IREB2: variants seen among roughly 807,000 people sequenced by gnomAD.
IREB2 encodes iron responsive element binding protein 2.
Under a neutral mutation model 118.8 loss-of-function variants are expected in IREB2, and 39 were observed. The observed-to-expected ratio is 0.33, with a 90% confidence interval of 0.25 to 0.43. IREB2 has a LOEUF of 0.43. IREB2 is among the 20% of genes least tolerant of loss of function. The probability of loss-of-function intolerance (pLI) is 1.00; values close to 1 mark genes in which losing one functional copy is unlikely to be tolerated. For missense variants in IREB2, 900 were observed against 1,147.3 expected (o/e 0.78, Z 3.11); for synonymous variants, 372 against 392.2 (o/e 0.95, Z 0.61).
chr15:78,458,262 G>T (rs977106599), intron 2 of IREB2, among the ~76,000 whole-genome samples: 1 of 152,148 alleles, frequency 6.6e-6, no homozygotes, highest in African/African-American at 2.4e-5. Flanking sequence ...ACAACACTAA[G>T]AGTGAACCCT....
chr15:78,494,353 A>AT, intron 20 of IREB2, 89 bp downstream of exon 20: 1 of 1,335,058 alleles, frequency 7.5e-7, no homozygotes, highest in East Asian at 2.3e-5. Context: ...GTTTATCTGG[A>AT]TTTTTTATAG....
Position 78,498,398 on chromosome 15 carries a change from G to T in IREB2, c.*255G>T. 4.1e-6 allele frequency: 1 copy of T among 242,402 alleles called. No homozygotes were observed. Among genetic ancestry groups the T allele is most frequent in the Admixed American group, 5.5e-5 (1 of 18,224 alleles). The allele number at this position is 242,402 out of a possible 1,614,324, so 15.0% of individuals were successfully genotyped here. Reference sequence around the variant, plus strand: ...GTGGAAGAGACCTGTAAGTATGGGGGGGGGGCGATATTTTATCAGACCATT... The same window carrying T: ...GTGGAAGAGACCTGTAAGTATGGGGTGGGGGCGATATTTTATCAGACCATT... On this transcript the variant is annotated 3_prime_UTR_variant, in exon 22 of 22. Transcript: ENST00000258886.
chr15:78,488,449 G>C, intron 15 of IREB2, 113 bp downstream of exon 15: 1 of 992,356 alleles, frequency 1.0e-6, no homozygotes. Context: ...TCAGGAAGAC[G>C]TATGATAATG....
At chr15:78,444,736 G>C (rs1276136550) in intron 2 of IREB2, among the ~76,000 whole-genome samples, 1 of 152,080 alleles carries the variant, frequency 6.6e-6, no homozygotes, top group Non-Finnish European at 1.5e-5. Flanking sequence ...TAAAAATAAA[G>C]TATATGTTGT....
Position 78,457,390 on chromosome 15 carries a change from C to T in IREB2, c.107-5532C>T, listed in dbSNP as rs139799874. ...TTAGTGGTTTTCTGTTTTTTGTTTA[C>T]TCTCTGATTTTATAGAGCATGTCCT... On this transcript the variant is annotated intron_variant, in intron 2 of 21. Transcript: ENST00000258886. Among the ~76,000 whole-genome samples, 382 of 152,172 alleles carry T rather than the reference C, an allele frequency of 2.5e-3. 3 individuals carry two copies. The highest frequency in any genetic ancestry group is 8.5e-3 in the African/African-American group (353 of 41,546).
upstream of IREB2, chr15:78,438,053 C>A (rs1396521812): frequency 4.1e-6 from 2 of 487,578 alleles, no homozygotes; most frequent in Middle Eastern, 5.6e-4. Flanking sequence ...GCGCTCCGCC[C>A]CCGCTCGCGA....
intron 2 of IREB2, among the ~76,000 whole-genome samples, chr15:78,456,590 C>T (rs1451231882): frequency 6.6e-6 from 1 of 151,376 alleles, no homozygotes; most frequent in Non-Finnish European, 1.5e-5. Flanking sequence ...TGCCCGAGCC[C>T]AGGAGGTCAA....
At chr15:78,464,399 C>G (rs1190406798) in intron 3 of IREB2, among the ~76,000 whole-genome samples, 1 of 152,202 alleles carries the variant, frequency 6.6e-6, no homozygotes, top group East Asian at 1.9e-4. Context: ...CACCCACCCA[C>G]TCAAATCTGG....
Position 78,500,554 on chromosome 15 carries a change from A to G in IREB2, c.*2411A>G, listed in dbSNP as rs1320277599. 27 of 151,516 alleles carry G rather than the reference A, an allele frequency of 1.8e-4. No individual in the cohort carries two copies. The highest frequency in any genetic ancestry group is 1.8e-3 in the Admixed American group (27 of 15,208). The allele number at this position is 151,516 out of a possible 1,614,324, so 9.4% of individuals were successfully genotyped here. A position where few individuals can be genotyped will look rare whatever the true frequency, so the allele number is the denominator to read the frequency against. ...TTGTGTTACCAAAAAAAAAAAAAAA[A>G]AAAGGAAGTGTAATGTCAGACACAC... On this transcript the variant is annotated 3_prime_UTR_variant, in exon 22 of 22. Transcript: ENST00000258886.
chr15:78,488,454 A>T, intron 15 of IREB2, 118 bp downstream of exon 15: 1 of 1,010,748 alleles, frequency 9.9e-7, no homozygotes, highest in Non-Finnish European at 1.4e-6. Flanking sequence ...AAGACGTATG[A>T]TAATGTATAG....
chr15:78,488,719 A>G lies in IREB2; in HGVS notation c.2024A>G (p.Glu675Gly). 1.9e-6 allele frequency: 3 copies of G among 1,587,652 alleles called. No individual in the cohort carries two copies. The highest frequency in any genetic ancestry group is 2.6e-6 in the Non-Finnish European group (3 of 1,156,078). ...WPSREEVHRV[E>G]EEHVILSMFK... ...AGTCGAGAAGAAGTTCATCGAGTAG[A>G]GGAAGAACATGTTATACTATCCATG... Residue 675 changes from glutamate to glycine, a missense_variant, in exon 16 of 22, where the codon GAG (glutamate) becomes GGG (glycine). Physicochemically the swap from Glu to Gly is moderately conservative, Grantham distance 98. Coordinates refer to ENST00000258886, the MANE Select transcript of IREB2 (RefSeq NM_004136.4).
intron 10 of IREB2, among the ~76,000 whole-genome samples, chr15:78,481,349 T>A (rs1364779848): frequency 2.6e-5 from 4 of 151,138 alleles, no homozygotes; most frequent in Non-Finnish European, 4.4e-5. Context: ...ATTACAGACA[T>A]GCGCCACCAT....
intron 2 of IREB2, among the ~76,000 whole-genome samples, 174 bp from the exon 3 acceptor site, chr15:78,462,748 C>T (rs968806891): frequency 4.6e-5 from 7 of 152,160 alleles, no homozygotes; most frequent in African/African-American, 1.7e-4. Flanking sequence ...AGTTACAAAA[C>T]ACCTGATGTT....
At chr15:78,496,773 G>C (rs2051844658) in intron 20 of IREB2, among the ~76,000 whole-genome samples, 1 of 152,050 alleles carries the variant, frequency 6.6e-6, no homozygotes, top group Admixed American at 6.6e-5. Context: ...CATTTCAAGA[G>C]TGTTGAAAAC....
At chr15:78,461,710 C>T (rs1226433170) in intron 2 of IREB2, among the ~76,000 whole-genome samples, 2 of 152,112 alleles carry the variant, frequency 1.3e-5, no homozygotes, top group Admixed American at 1.3e-4. Flanking sequence ...GAAATGCAAA[C>T]GCTCCTGTGA....
intron 2 of IREB2, among the ~76,000 whole-genome samples, chr15:78,449,985 C>G (rs1036813024): frequency 2.6e-5 from 4 of 152,128 alleles, no homozygotes; most frequent in Admixed American, 1.3e-4. Context: ...AAAGGGTTAG[C>G]TTTATGGATT....
At chr15:78,494,858 C>A (rs10450994) in intron 20 of IREB2, among the ~76,000 whole-genome samples, 2,551 of 152,298 alleles carry the variant, frequency 0.017, 98 homozygotes, top group African/African-American at 0.058. Context: ...CAGGCTTGAG[C>A]CATGTGCCCG....
At chr15:78,439,053 G>A (rs1373181843) in intron 1 of IREB2, among the ~76,000 whole-genome samples, 1 of 152,160 alleles carries the variant, frequency 6.6e-6, no homozygotes, top group Non-Finnish European at 1.5e-5. Context: ...CAAAAGATCT[G>A]AAGGTTCTTT....
At chr15:78,489,646 C>T (rs1394640141) in intron 16 of IREB2, among the ~76,000 whole-genome samples, 1 of 151,964 alleles carries the variant, frequency 6.6e-6, no homozygotes. Flanking sequence ...TCCTGAGTAG[C>T]TGGGGCCACA....
Sources: allele counts gnomAD v4.1 joint callset (sites outside exome capture counted in the v4.1 genomes callset), GRCh38; gene constraint gnomAD v4.1.1; transcripts MANE v1.5; gene names NCBI Gene and HGNC (gene_info 2026-07-23, HGNC 2026-07-21).